LRRC4C: variants seen among roughly 807,000 people sequenced by gnomAD.
The protein encoded by LRRC4C is leucine-rich repeat-containing protein 4C.
A neutral mutation model predicts 33.6 loss-of-function variants in LRRC4C; 5 were observed. The observed-to-expected ratio is 0.15, with a 90% CI of 0.08 to 0.31. The LOEUF (loss-of-function observed/expected upper bound fraction) is 0.31, where lower values mean the gene tolerates loss of function less well. LRRC4C is among the 10% of genes least tolerant of loss of function. The pLI is 1.00. For missense variants in LRRC4C, 560 were observed against 796.7 expected (o/e 0.70, Z 3.58); for synonymous variants, 329 against 302.0 (o/e 1.09, Z -0.93).
At chr11:40,481,206 T>C (rs1953544350) in intron 3 of LRRC4C, among the ~76,000 whole-genome samples, 2 of 152,108 alleles carry the variant, frequency 1.3e-5, no homozygotes, top group Non-Finnish European at 2.9e-5. Context: ...TTTTTTATAA[T>C]TGCACCAGTC....
chr11:40,165,801 C>T (rs779500303), intron 5 of LRRC4C, among the ~76,000 whole-genome samples: 11 of 151,998 alleles, frequency 7.2e-5, no homozygotes, highest in Admixed American at 2.6e-4. Flanking sequence ...CAAAATTAGC[C>T]GGGCGTGGTG....
intron 1 of LRRC4C, among the ~76,000 whole-genome samples, chr11:41,081,767 A>G (rs371424928): frequency 3.9e-4 from 60 of 152,206 alleles, no homozygotes; most frequent in African/African-American, 1.4e-3. Context: ...ACCATAGCAT[A>G]TAGGCTAATA....
intron 1 of LRRC4C, among the ~76,000 whole-genome samples, chr11:40,961,620 G>A (rs540656786): frequency 3.2e-4 from 48 of 151,690 alleles, no homozygotes; most frequent in Non-Finnish European, 5.6e-4. Flanking sequence ...TTGCATAAGT[G>A]TGTCTATACA....
chr11:40,213,643 T>C (rs1282279148), intron 5 of LRRC4C, among the ~76,000 whole-genome samples: 3 of 152,182 alleles, frequency 2.0e-5, no homozygotes, highest in African/African-American at 7.2e-5. Flanking sequence ...TACACGTATG[T>C]AGTAGATATA....
intron 1 of LRRC4C, among the ~76,000 whole-genome samples, chr11:41,279,535 G>A (rs1413262839): frequency 6.6e-6 from 1 of 151,970 alleles, no homozygotes; most frequent in Non-Finnish European, 1.5e-5. Context: ...CATCCCTAAT[G>A]CTAGACTCTG....
intron 1 of LRRC4C, among the ~76,000 whole-genome samples, chr11:41,442,468 T>TCTTTC (rs1555172337): frequency 9.4e-6 from 1 of 106,534 alleles, no homozygotes; most frequent in Non-Finnish European, 1.9e-5. Flanking sequence ...CTTTTTTTTT[T>TCTTTC]TTTTTTTTTT....
rs79428467 is a variant in LRRC4C, at chr11:40,426,855, G to A, written c.-269-107134C>T. Among the ~76,000 whole-genome samples the A allele has an allele frequency of 3.9e-5, 6 of 152,092 alleles. No homozygotes were observed. The East Asian group carries it at 5.8e-4, about 15-fold the overall frequency. On this transcript the variant is annotated intron_variant, in intron 3 of 6. Transcript: ENST00000528697. ...TTAGTTTCTGAAAGACCTTCTTTCC[G>A]TTTCCGACCTGTACTGACTCAAATC... is the stretch of plus-strand genomic sequence containing the variant.
chr11:40,639,822 C>G (rs1341266612), intron 3 of LRRC4C, among the ~76,000 whole-genome samples: 3 of 152,140 alleles, frequency 2.0e-5, no homozygotes, highest in Admixed American at 2.0e-4. Context: ...GATTTTTCAG[C>G]ATATTTGTCA....
At chr11:40,742,557 T>TGTGCAGTTCA (rs1306989080) in intron 2 of LRRC4C, among the ~76,000 whole-genome samples, 1 of 152,002 alleles carries the variant, frequency 6.6e-6, no homozygotes, top group Non-Finnish European at 1.5e-5. Context: ...CCTAATAGAT[T>TGTGCAGTTCA]GTGCAGTTCA....
At chr11:40,779,504 A>T (rs1477703098) in intron 2 of LRRC4C, among the ~76,000 whole-genome samples, 1 of 152,182 alleles carries the variant, frequency 6.6e-6, no homozygotes, top group East Asian at 1.9e-4. Context: ...ATATGTGCTC[A>T]TTTCTTATAT....
intron 2 of LRRC4C, among the ~76,000 whole-genome samples, chr11:40,778,790 G>A (rs969945199): frequency 6.6e-6 from 1 of 152,166 alleles, no homozygotes; most frequent in Non-Finnish European, 1.5e-5. Context: ...AAGACCTGTG[G>A]TTATGAAGTA....
intron 1 of LRRC4C, among the ~76,000 whole-genome samples, chr11:41,349,467 C>G (rs952752688): frequency 6.6e-6 from 1 of 150,582 alleles, no homozygotes; most frequent in Non-Finnish European, 1.5e-5. Context: ...AAAAACAAAA[C>G]AAAACAAAAC....
At chr11:41,341,862 T>C (rs775490832) in intron 1 of LRRC4C, among the ~76,000 whole-genome samples, 1 of 152,194 alleles carries the variant, frequency 6.6e-6, no homozygotes, top group Non-Finnish European at 1.5e-5. Context: ...TATAGCTCTG[T>C]TGTCTTTGGC....
intron 1 of LRRC4C, among the ~76,000 whole-genome samples, chr11:41,276,170 G>T (rs1949477220): frequency 2.0e-5 from 3 of 152,112 alleles, no homozygotes. Flanking sequence ...AAGACTAAAA[G>T]ACCTAATTAC....
At chr11:40,697,151 T>C (rs964368655) in intron 2 of LRRC4C, among the ~76,000 whole-genome samples, 3 of 152,148 alleles carry the variant, frequency 2.0e-5, no homozygotes, top group African/African-American at 7.2e-5. Flanking sequence ...ACTTGTTCCA[T>C]ACTGCATATA....
At chr11:40,882,419 C>T (rs948799630) in intron 2 of LRRC4C, among the ~76,000 whole-genome samples, 4 of 152,220 alleles carry the variant, frequency 2.6e-5, no homozygotes, top group East Asian at 1.9e-4. Context: ...ACACTACCTA[C>T]GGCCTGTGGG....
intron 2 of LRRC4C, among the ~76,000 whole-genome samples, chr11:40,835,851 T>C (rs1952645947): frequency 6.6e-6 from 1 of 152,202 alleles, no homozygotes; most frequent in African/African-American, 2.4e-5. Context: ...CAAGAAGCAG[T>C]AAAAATACAA....
intron 3 of LRRC4C, among the ~76,000 whole-genome samples, chr11:40,325,319 A>G (rs1415269926): frequency 6.6e-6 from 1 of 152,206 alleles, no homozygotes; most frequent in African/African-American, 2.4e-5. Context: ...ACTCCAGGAA[A>G]GGAAGGGTCA....
At chr11:40,804,028 C>T (rs1288991167) in intron 2 of LRRC4C, among the ~76,000 whole-genome samples, 1 of 152,102 alleles carries the variant, frequency 6.6e-6, no homozygotes, top group Non-Finnish European at 1.5e-5. Flanking sequence ...TTACTGCTGC[C>T]TAAAAATCAA....
Sources: allele counts gnomAD v4.1 joint callset (sites outside exome capture counted in the v4.1 genomes callset), GRCh38; gene constraint gnomAD v4.1.1; transcripts MANE v1.5; gene names NCBI Gene and HGNC (gene_info 2026-07-23, HGNC 2026-07-21).